The following PTPRM variants were observed in gnomAD, a reference collection of about 807,000 sequenced individuals.
The protein encoded by PTPRM is protein tyrosine phosphatase receptor type M, also known as receptor-type tyrosine-protein phosphatase mu.
In PTPRM, 47 loss-of-function variants were observed where a neutral mutation model predicts 186.7. The observed-to-expected ratio is 0.25, with a 90% confidence interval of 0.20 to 0.32. The LOEUF is 0.32. Ranked by LOEUF, PTPRM falls within the 10% of genes least tolerant of loss-of-function variation. The probability of loss-of-function intolerance (pLI) is 1.00; values close to 1 mark genes in which losing one functional copy is unlikely to be tolerated. For synonymous variants in PTPRM, 668 were observed against 674.9 expected (o/e 0.99, Z 0.16); for missense variants, 1,494 against 1,865.0 (o/e 0.80, Z 3.66).
chr18:7,887,055 G>T (rs930448033), intron 2 of PTPRM, among the ~76,000 whole-genome samples: 1 of 152,028 alleles, frequency 6.6e-6, no homozygotes, highest in Non-Finnish European at 1.5e-5. Flanking sequence ...TGAACATTGT[G>T]ATTCACAATG....
chr18:7,755,781 G>C (rs2041456378), intron 1 of PTPRM, among the ~76,000 whole-genome samples: 1 of 152,144 alleles, frequency 6.6e-6, no homozygotes, highest in South Asian at 2.1e-4. Flanking sequence ...ATTTTGCACT[G>C]GTCCTTTACC....
chr18:7,809,092 G>A (rs1263078991), intron 2 of PTPRM, among the ~76,000 whole-genome samples: 5 of 152,138 alleles, frequency 3.3e-5, no homozygotes, highest in Non-Finnish European at 7.4e-5. Context: ...GAGACTTGAG[G>A]AGGCTAAGGA....
chr18:8,007,822 TATGTTA>T (rs772824451), intron 7 of PTPRM, among the ~76,000 whole-genome samples: 1 of 152,176 alleles, frequency 6.6e-6, no homozygotes, highest in Non-Finnish European at 1.5e-5. Context: ...TAGAAAACTA[TATGTTA>T]AATTATTTCA....
At chr18:8,326,990 G>A (rs145648717) in intron 22 of PTPRM, among the ~76,000 whole-genome samples, 182 of 152,268 alleles carry the variant, frequency 1.2e-3, no homozygotes, top group African/African-American at 4.1e-3. Context: ...AGCAGAGTAG[G>A]TCTTACTAAT....
At chr18:8,087,615 C>T (rs2090496624) in intron 10 of PTPRM, among the ~76,000 whole-genome samples, 1 of 151,974 alleles carries the variant, frequency 6.6e-6, no homozygotes, top group Non-Finnish European at 1.5e-5. Context: ...GTTTACAGGT[C>T]CTGTTTTCAA....
At chr18:7,576,231 A>G (rs2036683646) in intron 1 of PTPRM, among the ~76,000 whole-genome samples, 1 of 152,258 alleles carries the variant, frequency 6.6e-6, no homozygotes, top group African/African-American at 2.4e-5. Flanking sequence ...CTTATAGAGC[A>G]TCAGTTTTTC....
chr18:8,138,738 G>A (rs1394721727), intron 13 of PTPRM, among the ~76,000 whole-genome samples: 1 of 152,138 alleles, frequency 6.6e-6, no homozygotes, highest in Non-Finnish European at 1.5e-5. Context: ...GCCTCTGCAA[G>A]GGCTTCCCTC....
intron 17 of PTPRM, among the ~76,000 whole-genome samples, chr18:8,250,700 G>T (rs1027235200): frequency 6.6e-6 from 1 of 151,514 alleles, no homozygotes; most frequent in Non-Finnish European, 1.5e-5. Context: ...GAGGCAGGAG[G>T]ATTGCTGGAG....
chr18:7,792,094 C>T (rs1274074070), intron 2 of PTPRM, among the ~76,000 whole-genome samples: 1 of 152,092 alleles, frequency 6.6e-6, no homozygotes, highest in Non-Finnish European at 1.5e-5. Flanking sequence ...CTGCATATAA[C>T]CTCTCTGGAT....
intron 30 of PTPRM, among the ~76,000 whole-genome samples, chr18:8,385,697 C>G (rs2095767748): frequency 6.6e-6 from 1 of 152,212 alleles, no homozygotes. Flanking sequence ...CTGGCAGTCA[C>G]TGTCAGCATT....
At chr18:8,120,641 G>A (rs1015725213) in intron 13 of PTPRM, among the ~76,000 whole-genome samples, 2 of 151,724 alleles carry the variant, frequency 1.3e-5, no homozygotes, top group African/African-American at 4.8e-5. Flanking sequence ...GACTACAGGC[G>A]CAAGCTACCA....
intron 11 of PTPRM, among the ~76,000 whole-genome samples, chr18:8,105,347 A>G (rs117707882): frequency 0.013 from 2,043 of 152,326 alleles, 18 homozygotes; most frequent in South Asian, 0.055. Context: ...GCCAGAAAAC[A>G]AAGATCATTT....
chr18:8,231,402 C>A (rs1401155408), intron 14 of PTPRM, among the ~76,000 whole-genome samples: 1 of 152,140 alleles, frequency 6.6e-6, no homozygotes, highest in Non-Finnish European at 1.5e-5. Context: ...GGAGTGATTT[C>A]TTCTTCCTTC....
intron 3 of PTPRM, among the ~76,000 whole-genome samples, chr18:7,901,474 C>G (rs2049681289): frequency 6.6e-6 from 1 of 152,058 alleles, no homozygotes; most frequent in African/African-American, 2.4e-5. Flanking sequence ...TCAAGTGATT[C>G]TCTTGCCTCA....
At chr18:8,404,608 G>A (rs1164009183) in intron 32 of PTPRM, 3 of 152,194 alleles carry the variant, frequency 2.0e-5, no homozygotes, top group Non-Finnish European at 4.4e-5. Flanking sequence ...AAATTAGGAG[G>A]CACTTAAGAA....
At chr18:8,221,605 G>A (rs920577801) in intron 14 of PTPRM, among the ~76,000 whole-genome samples, 2 of 152,182 alleles carry the variant, frequency 1.3e-5, no homozygotes, top group African/African-American at 2.4e-5. Context: ...CAGCTCCATT[G>A]GTTACAGCCT....
intron 19 of PTPRM, among the ~76,000 whole-genome samples, chr18:8,296,140 G>T (rs2147878137): frequency 6.6e-6 from 1 of 152,288 alleles, no homozygotes; most frequent in African/African-American, 2.4e-5. Flanking sequence ...TCACTCTTCA[G>T]CTTCCATCCC....
chr18:8,362,182 C>G (rs1442576415), intron 23 of PTPRM, among the ~76,000 whole-genome samples: 1 of 152,230 alleles, frequency 6.6e-6, no homozygotes, highest in Non-Finnish European at 1.5e-5. Flanking sequence ...CCGGCCCCAA[C>G]TGCTCCCAGC....
At chr18:7,678,753 G>A (rs189935401) in intron 1 of PTPRM, among the ~76,000 whole-genome samples, 36 of 152,158 alleles carry the variant, frequency 2.4e-4, no homozygotes, top group African/African-American at 7.0e-4. Flanking sequence ...CTTCGTTACC[G>A]TTACTTTTAA....
Sources: gnomAD v4.1 joint callset for allele counts (sites outside exome capture counted in the v4.1 genomes callset) on GRCh38, gnomAD v4.1.1 for gene constraint, MANE v1.5 for transcripts, NCBI Gene and HGNC (gene_info 2026-07-23, HGNC 2026-07-21) for gene names.